USP1: variants seen among roughly 807,000 people sequenced by gnomAD.
The protein encoded by USP1 is ubiquitin specific peptidase 1.
A neutral mutation model predicts 72.2 loss-of-function variants in USP1; 18 were observed. The ratio of observed to expected loss-of-function variants is 0.25; its 90% CI spans 0.17 to 0.37. The LOEUF (loss-of-function observed/expected upper bound fraction) is 0.37, where lower values mean the gene tolerates loss of function less well. USP1 is among the 10% of genes least tolerant of loss of function. The pLI, the probability that USP1 is intolerant of heterozygous loss-of-function variation, is 1.00. For missense variants in USP1, 759 were observed against 884.9 expected (o/e 0.86, Z 1.81); for synonymous variants, 354 against 303.7 (o/e 1.17, Z -1.72).
At position 62,450,935 on chromosome 1, in the gene USP1, C is replaced by T. The variant is rs570507572; in HGVS notation, c.2312C>T (p.Thr771Ile). Residue 771 changes from threonine to isoleucine, a missense_variant, in exon 9 of 9, where the codon ACA becomes ATA. Coordinates refer to ENST00000339950, the MANE Select transcript of USP1 (RefSeq NM_003368.5). ...TTTCTGAATTCTCTTTCCCCTTCTA[C>T]ATCTCCTACTTCTACTCCTTACTTG... The part of the protein sequence containing the change: ...KDFLNSLSPS[T>I]SPTSTPYLLF... 1.0e-4 allele frequency: 167 copies of T among 1,611,090 alleles called. 2 individuals are homozygous for T. The South Asian group carries it at 1.6e-3, about 15-fold the overall frequency.
intron 3 of USP1, 32 bp from the exon 4 acceptor site, chr1:62,442,163 G>C (rs1288945335): frequency 4.9e-6 from 7 of 1,414,344 alleles, no homozygotes; most frequent in Non-Finnish European, 6.9e-6. Context: ...TGTTTGTTCA[G>C]TAAACACTTA....
intron 1 of USP1, among the ~76,000 whole-genome samples, chr1:62,437,805 A>C (rs1645101739): frequency 6.6e-6 from 1 of 152,146 alleles, no homozygotes; most frequent in Non-Finnish European, 1.5e-5. Context: ...TTTACCGCGC[A>C]TTTTCTTTCA....
intron 1 of USP1, among the ~76,000 whole-genome samples, chr1:62,437,918 C>T (rs1462723823): frequency 1.3e-5 from 2 of 152,174 alleles, no homozygotes; most frequent in Non-Finnish European, 2.9e-5. Flanking sequence ...GTCGTGTCAT[C>T]TTATAAAGAA....
At chr1:62,439,556 C>T (rs1382314570) in intron 1 of USP1, among the ~76,000 whole-genome samples, 1 of 152,198 alleles carries the variant, frequency 6.6e-6, no homozygotes, top group Non-Finnish European at 1.5e-5. Flanking sequence ...TGTAATGCGA[C>T]CCTTAATCCA....
intron 7 of USP1, among the ~76,000 whole-genome samples, chr1:62,447,911 T>C (rs190657638): frequency 2.6e-5 from 4 of 152,096 alleles, no homozygotes; most frequent in African/African-American, 7.2e-5. Context: ...CTCAGCCTCC[T>C]GAGTAGCTGG....
At chr1:62,441,465 G>A (rs184429242) in intron 2 of USP1, 23 bp from the exon 3 acceptor site, 6 of 1,566,936 alleles carry the variant, frequency 3.8e-6, no homozygotes, top group Middle Eastern at 1.7e-4. Context: ...ACTACTTATC[G>A]TTCTCCCTTC....
intron 6 of USP1, among the ~76,000 whole-genome samples, chr1:62,446,510 C>T: frequency 6.6e-6 from 1 of 152,150 alleles, no homozygotes; most frequent in East Asian, 1.9e-4. Flanking sequence ...ATTTGTGTAT[C>T]TAAGACGTAT....
At chr1:62,448,258 T>G (rs1645190152) in intron 7 of USP1, among the ~76,000 whole-genome samples, 1 of 152,240 alleles carries the variant, frequency 6.6e-6, no homozygotes, top group Admixed American at 6.5e-5. Context: ...GTCTATCATA[T>G]TTTTTGGCCG....
At chr1:62,443,519 T>C (rs1488383996) in intron 5 of USP1, among the ~76,000 whole-genome samples, 200 bp downstream of exon 5, 5 of 152,220 alleles carry the variant, frequency 3.3e-5, no homozygotes, top group South Asian at 2.1e-4. Flanking sequence ...TCTGAACATA[T>C]TATATGAGGC....
At chr1:62,437,923 A>G (rs75507162) in intron 1 of USP1, among the ~76,000 whole-genome samples, 1,704 of 152,332 alleles carry the variant, frequency 0.011, 42 homozygotes, top group African/African-American at 0.039. Context: ...GTCATCTTAT[A>G]AAGAATTTAA....
At position 62,443,315 on chromosome 1, in the gene USP1, C is replaced by T; in HGVS notation, c.553C>T (p.Leu185=). Residue 185 remains leucine, a synonymous_variant, in exon 5 of 9, where the codon CTG becomes TTG. Coordinates refer to ENST00000339950, the MANE Select transcript of USP1 (RefSeq NM_003368.5). ...TCAGCCAAGGCGACTGCTTAACACA[C>T]TGAGGTATAGCCTATAATATAATTT... The part of the protein sequence containing the change: ...ATQPRRLLNT[L]RELNPMYEGY... The T allele has an allele frequency of 1.2e-6, 2 of 1,609,924 alleles. No homozygotes were observed. The highest frequency in any genetic ancestry group is 1.7e-6 in the Non-Finnish European group (2 of 1,178,872).
intron 7 of USP1, 40 bp from the exon 8 acceptor site, chr1:62,448,425 C>G: frequency 1.9e-6 from 3 of 1,579,282 alleles, no homozygotes; most frequent in Non-Finnish European, 2.6e-6. Flanking sequence ...TTTTTGAATG[C>G]CTGAGAGAAG....
In USP1 at chr1:62,448,535, G is replaced by A; in HGVS notation, c.1491G>A (p.Arg497=). Residue 497 remains arginine, a synonymous_variant, in exon 8 of 9, where the codon AGG becomes AGA. Transcript: ENST00000339950. ...WAISQFASVE[R]IVGEDKYFCE... ...TTTCACAATTTGCTTCAGTAGAAAGGATTGTAGGAGAAGATAAATATTTCT... is the reference window on the plus strand; with the variant it reads ...TTTCACAATTTGCTTCAGTAGAAAGAATTGTAGGAGAAGATAAATATTTCT... 6.2e-7 allele frequency: 1 copy of A among 1,613,936 alleles called. No individual in the cohort carries two copies. The highest frequency in any genetic ancestry group is 8.5e-7 in the Non-Finnish European group (1 of 1,179,938).
At chr1:62,437,484 C>G (rs112050628) in intron 1 of USP1, 84 bp downstream of exon 1, 1 of 283,172 alleles carries the variant, frequency 3.5e-6, no homozygotes, top group Admixed American at 5.3e-5. Flanking sequence ...CCGGGGAGAC[C>G]CCGGGACCGT....
intron 8 of USP1, 136 bp from the exon 9 acceptor site, chr1:62,450,110 T>C (rs1557559002): frequency 9.4e-7 from 1 of 1,061,014 alleles, no homozygotes; most frequent in Non-Finnish European, 1.3e-6. Context: ...GGGTCTTGTT[T>C]TGATTCTGCT....
Position 62,450,362 on chromosome 1 carries a change from C to T in USP1, c.1739C>T (p.Ala580Val). Residue 580 changes from alanine to valine, a missense_variant, in exon 9 of 9, where the codon GCG becomes GTG. Around this residue, in one of 9 missense-constraint regions of USP1, gnomAD observed 140 missense variants for 222.8 expected, o/e 0.63. Transcript: ENST00000339950. ...ACTAACGACAGCTATGGATTATTTG[C>T]GGTTGTGATGCATAGTGGCATTACA... ...KPTNDSYGLF[A>V]VVMHSGITIS... The T allele has an allele frequency of 6.2e-7, 1 of 1,614,040 alleles. No homozygotes were observed. The highest frequency in any genetic ancestry group is 8.5e-7 in the Non-Finnish European group (1 of 1,180,012).
rs1271924026 is a variant in USP1 at position 62,437,101 on chromosome 1, CA to C, written c.-368del. On this transcript the variant is annotated 5_prime_UTR_variant, in exon 1 of 9. Coordinates refer to ENST00000339950, the MANE Select transcript of USP1 (RefSeq NM_003368.5). ...CGGAGTGCTAAAGACCCTAGCGGTTCAGGCGTTCGGCGAGCGGGGCCGCTGC... is the reference window on the plus strand; with the variant it reads ...CGGAGTGCTAAAGACCCTAGCGGTTCGGCGTTCGGCGAGCGGGGCCGCTGC... 1 of 398,914 alleles carries C rather than the reference CA, an allele frequency of 2.5e-6. No homozygotes were observed. The highest frequency in any genetic ancestry group is 4.4e-6 in the Non-Finnish European group (1 of 226,076). The allele number at this position is 398,914 out of a possible 1,614,324, so 24.7% of individuals were successfully genotyped here. A position where few individuals can be genotyped will look rare whatever the true frequency, so the allele number is the denominator to read the frequency against.
intron 5 of USP1, among the ~76,000 whole-genome samples, 197 bp downstream of exon 5, chr1:62,443,516 A>G (rs1645147902): frequency 1.3e-5 from 2 of 152,230 alleles, no homozygotes; most frequent in Non-Finnish European, 2.9e-5. Context: ...AGATCTGAAC[A>G]TATTATATGA....
At chr1:62,438,685 A>G (rs1311946946) in intron 1 of USP1, among the ~76,000 whole-genome samples, 1 of 151,714 alleles carries the variant, frequency 6.6e-6, no homozygotes, top group Non-Finnish European at 1.5e-5. Context: ...GAAAATATTA[A>G]CTCCTACACT....
Sources: gnomAD v4.1 joint callset for allele counts (sites outside exome capture counted in the v4.1 genomes callset) on GRCh38, gnomAD v4.1.1 for gene constraint, gnomAD v4.1.1 regional missense constraint, MANE v1.5 for transcripts, NCBI Gene and HGNC (gene_info 2026-07-23, HGNC 2026-07-21) for gene names.